PCDH7: variants seen among roughly 807,000 people sequenced by gnomAD.
The protein encoded by PCDH7 is protocadherin-7.
PCDH7 carries 17 observed loss-of-function variants against 58.9 expected under a neutral mutation model. That is an observed-to-expected ratio of 0.29 (90% confidence interval 0.20 to 0.43). PCDH7 has a LOEUF of 0.43. Ranked by LOEUF, PCDH7 falls within the 20% of genes least tolerant of loss-of-function variation. The pLI is 1.00. For missense variants in PCDH7, 1,274 were observed against 1,441.0 expected, an observed-to-expected ratio of 0.88 and a Z score of 1.88; for synonymous variants, 664 against 616.4, an observed-to-expected ratio of 1.08 and a Z score of -1.14.
At chr4:30,850,713 G>A (rs1732623151) in intron 1 of PCDH7, among the ~76,000 whole-genome samples, 1 of 151,964 alleles carries the variant, frequency 6.6e-6, no homozygotes, top group Admixed American at 6.6e-5. Context: ...CTATTCCACG[G>A]CTGGACACTC....
At chr4:30,886,908 G>A (rs1239325809) in intron 1 of PCDH7, among the ~76,000 whole-genome samples, 3 of 145,028 alleles carry the variant, frequency 2.1e-5, no homozygotes, top group African/African-American at 5.2e-5. Flanking sequence ...TCACTCATAG[G>A]TGGGAATTGA....
chr4:31,016,081 C>T (rs1753578878), intron 3 of PCDH7, among the ~76,000 whole-genome samples: 1 of 152,082 alleles, frequency 6.6e-6, no homozygotes, highest in Admixed American at 6.6e-5. Flanking sequence ...GCCAACATTC[C>T]ACCTGCCAAA....
intron 3 of PCDH7, among the ~76,000 whole-genome samples, chr4:30,967,223 A>C (rs866059196): frequency 2.0e-5 from 3 of 151,910 alleles, no homozygotes; most frequent in African/African-American, 7.2e-5. Flanking sequence ...AAAAAAAATC[A>C]GTCATAAACA....
chr4:31,018,232 A>G (rs1247110486), intron 3 of PCDH7, among the ~76,000 whole-genome samples: 11 of 152,148 alleles, frequency 7.2e-5, no homozygotes, highest in Admixed American at 6.5e-4. Flanking sequence ...ATCACTACTT[A>G]TCTCATTTTT....
chr4:30,864,854 A>C (rs1434408415), intron 1 of PCDH7, among the ~76,000 whole-genome samples: 2 of 152,098 alleles, frequency 1.3e-5, no homozygotes, highest in Admixed American at 6.6e-5. Context: ...ATAGGAAAAA[A>C]AATTTAAGGC....
At chr4:30,955,511 ATT>A (rs1408796241) in intron 3 of PCDH7, among the ~76,000 whole-genome samples, 1 of 150,608 alleles carries the variant, frequency 6.6e-6, no homozygotes, top group Non-Finnish European at 1.5e-5. Context: ...ATTTTATTTT[ATT>A]TTATTTTATT....
chr4:31,076,581 T>G (rs1259536513), intron 3 of PCDH7, among the ~76,000 whole-genome samples: 1 of 152,192 alleles, frequency 6.6e-6, no homozygotes, highest in Admixed American at 6.5e-5. Context: ...TACAGTTTAT[T>G]CAAACAAACC....
intron 1 of PCDH7, among the ~76,000 whole-genome samples, chr4:30,872,557 C>G (rs1238483365): frequency 6.6e-6 from 1 of 151,992 alleles, no homozygotes; most frequent in East Asian, 1.9e-4. Flanking sequence ...GGATTGGATT[C>G]AGGCATAAGT....
intron 2 of PCDH7, among the ~76,000 whole-genome samples, chr4:30,942,096 A>G (rs939131023): frequency 3.3e-5 from 5 of 151,952 alleles, no homozygotes; most frequent in African/African-American, 7.2e-5. Context: ...CTTGTTTACC[A>G]TAATATATCC....
chr4:31,030,526 C>T (rs1002664720), intron 3 of PCDH7, among the ~76,000 whole-genome samples: 2 of 152,014 alleles, frequency 1.3e-5, no homozygotes, highest in African/African-American at 4.8e-5. Context: ...CTTTTATTTA[C>T]ATATAATTTT....
At chr4:31,019,837 G>GAATTCTGTTA (rs1292585001) in intron 3 of PCDH7, among the ~76,000 whole-genome samples, 7 of 151,956 alleles carry the variant, frequency 4.6e-5, no homozygotes, top group Admixed American at 4.6e-4. Flanking sequence ...CATAAGAGAA[G>GAATTCTGTTA]AATTCTGTTA....
intron 1 of PCDH7, among the ~76,000 whole-genome samples, chr4:30,897,224 C>G (rs996016500): frequency 6.6e-6 from 1 of 151,998 alleles, no homozygotes; most frequent in Non-Finnish European, 1.5e-5. Flanking sequence ...TTGTTTACAA[C>G]ACTAAATTGC....
chr4:30,958,453 T>C, intron 3 of PCDH7, among the ~76,000 whole-genome samples: 1 of 152,088 alleles, frequency 6.6e-6, no homozygotes, highest in Non-Finnish European at 1.5e-5. Context: ...CACCCTTATA[T>C]ATTTAAATGA....
intron 1 of PCDH7, among the ~76,000 whole-genome samples, chr4:30,895,438 T>C (rs1181934926): frequency 6.6e-6 from 1 of 152,088 alleles, no homozygotes; most frequent in Non-Finnish European, 1.5e-5. Context: ...TATAGGAACA[T>C]ATGATGTATT....
chr4:30,787,609 A>C (rs1488653923), intron 1 of PCDH7, among the ~76,000 whole-genome samples: 1 of 152,030 alleles, frequency 6.6e-6, no homozygotes, highest in African/African-American at 2.4e-5. Context: ...TGTCCTTTTA[A>C]ATTTGTGATC....
chr4:30,775,712 C>T lies in PCDH7; in HGVS notation c.70+51116C>T, dbSNP rs541707746. Among the ~76,000 whole-genome samples, 83 of 152,148 alleles carry T rather than the reference C, an allele frequency of 5.5e-4. No homozygotes were observed. The South Asian group carries it at 0.016, about 29-fold the overall frequency. On this transcript the variant is annotated intron_variant, in intron 1 of 3. Transcript: ENST00000509759. ...CACGAGGTCAGGAGTTTGAGGCCAACGTGGTGAAACCCCATCTCTACTAAA... is the reference window on the plus strand; with the variant it reads ...CACGAGGTCAGGAGTTTGAGGCCAATGTGGTGAAACCCCATCTCTACTAAA...
intron 3 of PCDH7, among the ~76,000 whole-genome samples, chr4:30,974,434 A>G (rs1749887356): frequency 1.3e-5 from 2 of 151,980 alleles, no homozygotes; most frequent in Admixed American, 1.3e-4. Context: ...TCATAATCAA[A>G]TGCCAGATAT....
chr4:30,939,966 C>T (rs1364317675), intron 2 of PCDH7, among the ~76,000 whole-genome samples: 2 of 151,576 alleles, frequency 1.3e-5, no homozygotes, highest in East Asian at 1.9e-4. Flanking sequence ...ATGGAAGAGT[C>T]GATTAAAGGT....
rs145860399 is a variant in PCDH7, at chr4:31,095,117, A to AT, written c.*8-47345dup. ...GAATTATAGATCTACCAGACAGGGT[A>AT]TTTTTTTTTTTATGGCTAAAACCTT... On this transcript the variant is annotated intron_variant, in intron 3 of 3. Coordinates refer to the PCDH7 transcript ENST00000509759. Among the ~76,000 whole-genome samples the AT allele has an allele frequency of 6.8e-3, 1,007 of 148,380 alleles. 6 individuals are homozygous for AT. Among genetic ancestry groups the AT allele is most frequent in the Non-Finnish European group, 0.01 (683 of 66,750 alleles).
Sources: gnomAD v4.1 joint callset for allele counts (sites outside exome capture counted in the v4.1 genomes callset) on GRCh38, gnomAD v4.1.1 for gene constraint, MANE v1.5 for transcripts, NCBI Gene and HGNC (gene_info 2026-07-23, HGNC 2026-07-21) for gene names.